Variants in SGF29 observed in about 807,000 individuals in gnomAD.
SGF29 encodes the protein SAGA complex associated factor 29, also known as SAGA-associated factor 29.
In SGF29, 15 loss-of-function variants were observed where a neutral mutation model predicts 38.1. The ratio of observed to expected loss-of-function variants is 0.39; its 90% CI spans 0.26 to 0.61. The LOEUF (loss-of-function observed/expected upper bound fraction) is 0.61. Among genes scored for constraint, SGF29 ranks in the 20% least tolerant of loss-of-function variants. The pLI is 0.49. For synonymous variants in SGF29, 151 were observed against 160.8 expected (o/e 0.94, Z 0.46); for missense variants, 184 against 394.6 (o/e 0.47, Z 4.52).
intron 1 of SGF29, among the ~76,000 whole-genome samples, chr16:28,559,046 G>A (rs963583715): frequency 2.6e-5 from 4 of 152,124 alleles, no homozygotes; most frequent in Admixed American, 1.3e-4. Flanking sequence ...GGGTGGGTGC[G>A]GTGGCTCACA....
At chr16:28,557,688 G>C (rs1301039224) in intron 1 of SGF29, among the ~76,000 whole-genome samples, 1 of 152,174 alleles carries the variant, frequency 6.6e-6, no homozygotes, top group Non-Finnish European at 1.5e-5. Flanking sequence ...TTGACACTCT[G>C]TCTGGGTGGA....
At chr16:28,555,403 G>A (rs2046743892) in intron 1 of SGF29, among the ~76,000 whole-genome samples, 1 of 152,174 alleles carries the variant, frequency 6.6e-6, no homozygotes, top group Non-Finnish European at 1.5e-5. Flanking sequence ...TTAAACCCAG[G>A]AGGTGGATGC....
intron 4 of SGF29, among the ~76,000 whole-genome samples, chr16:28,586,407 C>T (rs565796809): frequency 2.6e-5 from 4 of 151,260 alleles, no homozygotes; most frequent in Non-Finnish European, 5.9e-5. Flanking sequence ...GGTGTGGTGG[C>T]GCACGCTACT....
intron 1 of SGF29, among the ~76,000 whole-genome samples, chr16:28,556,126 T>G (rs1043733717): frequency 2.6e-5 from 4 of 152,214 alleles, no homozygotes; most frequent in African/African-American, 9.6e-5. Flanking sequence ...AAAAATTGTC[T>G]TCTTAATGTC....
chr16:28,584,755 C>T (rs1351819003), intron 2 of SGF29, among the ~76,000 whole-genome samples, 158 bp from the exon 3 acceptor site: 2 of 148,908 alleles, frequency 1.3e-5, no homozygotes, highest in Non-Finnish European at 3.0e-5. Flanking sequence ...TGCCACTACA[C>T]TCCAGCCTGG....
At chr16:28,554,435 C>T (rs530404306) in intron 1 of SGF29, among the ~76,000 whole-genome samples, 68 of 152,294 alleles carry the variant, frequency 4.5e-4, no homozygotes, top group African/African-American at 1.6e-3. Flanking sequence ...AAGATGCGGA[C>T]AGAGGATGGG....
chr16:28,581,596 C>T (rs984518700), intron 2 of SGF29, among the ~76,000 whole-genome samples: 2 of 151,342 alleles, frequency 1.3e-5, no homozygotes, highest in African/African-American at 4.8e-5. Flanking sequence ...AGTGCGGTGG[C>T]GCGATCTCAG....
intron 1 of SGF29, among the ~76,000 whole-genome samples, chr16:28,555,511 A>G (rs1749371868): frequency 1.3e-5 from 2 of 152,318 alleles, no homozygotes; most frequent in Non-Finnish European, 2.9e-5. Context: ...AAATCCACAT[A>G]TAAGTGGACC....
chr16:28,554,744 T>C (rs2046737135), intron 1 of SGF29, among the ~76,000 whole-genome samples: 1 of 152,150 alleles, frequency 6.6e-6, no homozygotes, highest in African/African-American at 2.4e-5. Context: ...CTCCAAGTCT[T>C]GAACCCTTGA....
chr16:28,587,288 C>G (rs1446415476), intron 4 of SGF29, among the ~76,000 whole-genome samples: 2 of 152,244 alleles, frequency 1.3e-5, no homozygotes, highest in African/African-American at 4.8e-5. Flanking sequence ...CCAGGAGATT[C>G]TGATGCCCAC....
intron 1 of SGF29, among the ~76,000 whole-genome samples, chr16:28,557,752 C>G (rs2046761377): frequency 6.6e-6 from 1 of 152,128 alleles, no homozygotes; most frequent in African/African-American, 2.4e-5. Flanking sequence ...CCACTGCAGA[C>G]TCAATGGATT....
intron 1 of SGF29, among the ~76,000 whole-genome samples, chr16:28,565,091 C>T (rs993855781): frequency 6.6e-6 from 1 of 152,002 alleles, no homozygotes; most frequent in African/African-American, 2.4e-5. Context: ...AAGTGTCCGG[C>T]GTGACACAGA....
intron 1 of SGF29, among the ~76,000 whole-genome samples, chr16:28,559,406 C>T (rs770838319): frequency 5.9e-5 from 9 of 152,060 alleles, no homozygotes; most frequent in Non-Finnish European, 1.3e-4. Flanking sequence ...TGTTTTGAGA[C>T]GGAATCTCAC....
intron 1 of SGF29, among the ~76,000 whole-genome samples, chr16:28,562,508 C>G (rs1711871625): frequency 6.6e-6 from 1 of 152,046 alleles, no homozygotes; most frequent in Non-Finnish European, 1.5e-5. Flanking sequence ...TGCTGCTCGC[C>G]TCTTCAGTGT....
intron 3 of SGF29, 30 bp downstream of exon 3, chr16:28,585,018 G>A: frequency 6.4e-7 from 1 of 1,567,078 alleles, no homozygotes. Context: ...AGAGAAAGGG[G>A]ATGAGATGGG....
At chr16:28,585,481 T>G (rs1214175594) in intron 3 of SGF29, 167 bp from the exon 4 acceptor site, 1 of 649,858 alleles carries the variant, frequency 1.5e-6, no homozygotes, top group Non-Finnish European at 2.8e-6. Context: ...TGCGGACTCA[T>G]GGAGCCTGGG....
intron 2 of SGF29, among the ~76,000 whole-genome samples, chr16:28,582,475 A>C (rs1341645564): frequency 6.6e-6 from 1 of 152,206 alleles, no homozygotes; most frequent in African/African-American, 2.4e-5. Flanking sequence ...ATTATCTAAC[A>C]GTATTGGCTC....
chr16:28,566,610 T>C (rs497523), intron 1 of SGF29, among the ~76,000 whole-genome samples: 48,051 of 151,592 alleles, frequency 0.32, 8,172 homozygotes, highest in East Asian at 0.56. Flanking sequence ...GGCAACATGG[T>C]GAAACCTCAT....
chr16:28,554,436 A>G (rs2046733568), intron 1 of SGF29, among the ~76,000 whole-genome samples: 1 of 152,226 alleles, frequency 6.6e-6, no homozygotes, highest in South Asian at 2.1e-4. Context: ...AGATGCGGAC[A>G]GAGGATGGGC....
Sources: gnomAD v4.1 joint callset for allele counts (sites outside exome capture counted in the v4.1 genomes callset) on GRCh38, gnomAD v4.1.1 for gene constraint, MANE v1.5 for transcripts, NCBI Gene and HGNC (gene_info 2026-07-23, HGNC 2026-07-21) for gene names.